The following TMX2 variants were observed in gnomAD, a reference collection of about 807,000 sequenced individuals.
TMX2 encodes the protein thioredoxin related transmembrane protein 2.
Under a neutral mutation model 33.4 loss-of-function variants are expected in TMX2, and 20 were observed. The observed-to-expected ratio is 0.60, with a 90% CI of 0.42 to 0.87. The LOEUF (loss-of-function observed/expected upper bound fraction) is 0.87, where lower values mean the gene tolerates loss of function less well. Ranked by LOEUF, TMX2 falls within the 40% of genes least tolerant of loss-of-function variation. The probability of loss-of-function intolerance (pLI) is 0.00; values close to 1 mark genes in which losing one functional copy is unlikely to be tolerated. For missense variants in TMX2, 340 were observed against 370.7 expected, an observed-to-expected ratio of 0.92 and a Z score of 0.68; for synonymous variants, 166 against 140.7, an observed-to-expected ratio of 1.18 and a Z score of -1.27.
At chr11:57,727,902 G>A (rs1948107233) in intron 1 of TMX2, among the ~76,000 whole-genome samples, 1 of 152,176 alleles carries the variant, frequency 6.6e-6, no homozygotes, top group Admixed American at 6.5e-5. Flanking sequence ...TGAATCCCAG[G>A]TCTTTAGACA....
chr11:57,731,176 C>T (rs1948380439), intron 1 of TMX2, among the ~76,000 whole-genome samples: 1 of 117,042 alleles, frequency 8.5e-6, no homozygotes, highest in Admixed American at 1.2e-4. Flanking sequence ...CACTCTCGCT[C>T]AGGCTGGAGT....
At chr11:57,737,452 T>C (rs542948019) in intron 1 of TMX2, among the ~76,000 whole-genome samples, 156 bp from the exon 2 acceptor site, 58 of 152,358 alleles carry the variant, frequency 3.8e-4, no homozygotes, top group African/African-American at 1.4e-3. Flanking sequence ...TTCTGACTGA[T>C]GTTTATCCCC....
intron 1 of TMX2, among the ~76,000 whole-genome samples, chr11:57,737,061 A>T (rs182079986): frequency 6.6e-6 from 1 of 152,094 alleles, no homozygotes; most frequent in Admixed American, 6.5e-5. Flanking sequence ...CTGTTATCTC[A>T]TTTAATCCCC....
intron 1 of TMX2, among the ~76,000 whole-genome samples, chr11:57,716,592 G>C (rs1229942101): frequency 7.4e-6 from 1 of 134,338 alleles, no homozygotes; most frequent in Non-Finnish European, 1.6e-5. Context: ...CCTCCCGGAC[G>C]GGGCGGCTGG....
In TMX2 at chr11:57,730,912, G is replaced by A. The variant is rs550025190; in HGVS notation, c.190-6696G>A. 3.3e-5 allele frequency among the ~76,000 whole-genome samples: 5 copies of A among 152,028 alleles called. No individual in the cohort carries two copies. In the South Asian group the frequency reaches 8.3e-4, roughly 25 times the overall value. On this transcript the variant is annotated intron_variant, in intron 1 of 7. Coordinates refer to ENST00000278422, the MANE Select transcript of TMX2 (RefSeq NM_015959.4). ...AATTTTTAAAGGGGTTGTATAATTC[G>A]GTTGGCTATGATTAAAGAAAATCAT... is the stretch of plus-strand genomic sequence containing the variant.
intron 1 of TMX2, among the ~76,000 whole-genome samples, chr11:57,730,114 A>C (rs1948266011): frequency 7.0e-6 from 1 of 143,590 alleles, no homozygotes; most frequent in Non-Finnish European, 1.6e-5. Flanking sequence ...CCCCCACAAA[A>C]AAAAATAATT....
At chr11:57,729,319 TTC>T (rs1009520056) in intron 1 of TMX2, among the ~76,000 whole-genome samples, 2 of 152,016 alleles carry the variant, frequency 1.3e-5, no homozygotes, top group South Asian at 2.1e-4. Flanking sequence ...GAGTTCTAGG[TTC>T]TGTTTTTTTT....
chr11:57,713,540 C>G (rs935368802), intron 1 of TMX2, among the ~76,000 whole-genome samples: 4 of 152,210 alleles, frequency 2.6e-5, no homozygotes, highest in Non-Finnish European at 5.9e-5. Flanking sequence ...ACTTAAAGCA[C>G]TTTCCCTTCT....
intron 1 of TMX2, chr11:57,718,273 A>T (rs548883546): frequency 6.5e-7 from 1 of 1,545,170 alleles, no homozygotes; most frequent in East Asian, 2.3e-5. Flanking sequence ...TTTAGGATGA[A>T]GTTCTCATCA....
At chr11:57,717,256 C>G (rs541204480) in intron 1 of TMX2, among the ~76,000 whole-genome samples, 1 of 147,254 alleles carries the variant, frequency 6.8e-6, no homozygotes, top group Non-Finnish European at 1.5e-5. Context: ...ACGTCCCAGA[C>G]GATGGGCGGC....
At chr11:57,737,575 C>T in intron 1 of TMX2, 33 bp from the exon 2 acceptor site, 1 of 1,591,456 alleles carries the variant, frequency 6.3e-7, no homozygotes, top group Non-Finnish European at 8.6e-7. Context: ...CTAGTCACTG[C>T]ATTCCTGTTA....
intron 1 of TMX2, among the ~76,000 whole-genome samples, chr11:57,722,979 C>T (rs760150129): frequency 1.3e-4 from 19 of 151,956 alleles, no homozygotes; most frequent in Admixed American, 2.0e-4. Context: ...GGCGTGGTGG[C>T]GTGTTCCTGT....
At chr11:57,733,417 G>A (rs1948527089) in intron 1 of TMX2, among the ~76,000 whole-genome samples, 1 of 151,832 alleles carries the variant, frequency 6.6e-6, no homozygotes, top group Non-Finnish European at 1.5e-5. Flanking sequence ...ATCACGCCTG[G>A]CTGACTTTTT....
intron 1 of TMX2, among the ~76,000 whole-genome samples, chr11:57,726,975 T>C (rs1948045553): frequency 6.6e-6 from 1 of 152,198 alleles, no homozygotes; most frequent in Non-Finnish European, 1.5e-5. Context: ...TCCTGGCTGA[T>C]TGGGTTGTTT....
chr11:57,726,979 G>T (rs559925934), intron 1 of TMX2, among the ~76,000 whole-genome samples: 2 of 152,274 alleles, frequency 1.3e-5, no homozygotes, highest in South Asian at 4.1e-4. Context: ...GGCTGATTGG[G>T]TTGTTTACTG....
intron 1 of TMX2, among the ~76,000 whole-genome samples, chr11:57,735,243 CTG>C (rs1225890664): frequency 1.3e-5 from 2 of 151,582 alleles, no homozygotes; most frequent in African/African-American, 2.4e-5. Context: ...TTGTTTCACT[CTG>C]TTGCCCAGGC....
chr11:57,720,695 G>A (rs976086665), intron 1 of TMX2, among the ~76,000 whole-genome samples: 8 of 152,242 alleles, frequency 5.3e-5, no homozygotes, highest in African/African-American at 1.9e-4. Flanking sequence ...ATCGTGCCTG[G>A]CCTCAAACTA....
chr11:57,734,629 T>A (rs972729453), intron 1 of TMX2, among the ~76,000 whole-genome samples: 2 of 151,388 alleles, frequency 1.3e-5, no homozygotes, highest in South Asian at 2.1e-4. Context: ...GTGCCTGTAA[T>A]CCCAGCTACT....
Position 57,740,250 on chromosome 11 carries a change from C to T in TMX2, c.*5C>T. 6.3e-7 allele frequency: 1 copy of T among 1,583,384 alleles called. No homozygotes were observed. The highest frequency in any genetic ancestry group is 8.6e-7 in the Non-Finnish European group (1 of 1,166,076). On this transcript the variant is annotated 3_prime_UTR_variant, in exon 8 of 8. Transcript: ENST00000278422. The stretch of plus-strand genomic sequence containing the variant: ...GAAAACAAGAAGGATAAATAAGATC[C>T]TCACTTTGGCAGTGCTTCCTCTCCT...
Sources: gnomAD v4.1 joint callset for allele counts (sites outside exome capture counted in the v4.1 genomes callset) on GRCh38, gnomAD v4.1.1 for gene constraint, MANE v1.5 for transcripts, NCBI Gene and HGNC (gene_info 2026-07-23, HGNC 2026-07-21) for gene names.